TENM3: variants seen among roughly 807,000 people sequenced by gnomAD.
TENM3 encodes teneurin transmembrane protein 3, also known as teneurin-3.
A neutral mutation model predicts 255.1 loss-of-function variants in TENM3; 63 were observed. The observed-to-expected ratio is 0.25, with a 90% CI of 0.20 to 0.30. The LOEUF (loss-of-function observed/expected upper bound fraction) is 0.30. Ranked by LOEUF, TENM3 falls within the 10% of genes least tolerant of loss-of-function variation. The pLI is 1.00. For missense variants in TENM3, 2,929 were observed against 3,461.1 expected (o/e 0.85, Z 3.86); for synonymous variants, 1,306 against 1,322.3 (o/e 0.99, Z 0.27).
intron 12 of TENM3, among the ~76,000 whole-genome samples, chr4:182,702,192 A>G (rs1757925416): frequency 6.6e-6 from 1 of 152,122 alleles, no homozygotes; most frequent in South Asian, 2.1e-4. Flanking sequence ...TTGACCAGGA[A>G]TTGTGCATCT....
intron 1 of TENM3, among the ~76,000 whole-genome samples, chr4:182,276,113 G>A (rs1230075700): frequency 6.6e-6 from 1 of 152,144 alleles, no homozygotes; most frequent in East Asian, 1.9e-4. Context: ...TTAAAGAGGG[G>A]GCTGGCCAGG....
chr4:182,708,661 G>A (rs540129335), intron 12 of TENM3, among the ~76,000 whole-genome samples: 2 of 152,132 alleles, frequency 1.3e-5, no homozygotes, highest in African/African-American at 2.4e-5. Flanking sequence ...AGCCAGGTGT[G>A]GTGGCGGGCG....
At chr4:181,971,026 C>T in the TENM3 span, among the ~76,000 whole-genome samples, 9 of 152,102 alleles carry the variant, frequency 5.9e-5, no homozygotes, top group Non-Finnish European at 1.2e-4. Context: ...CTGCTCACTG[C>T]AGCCTCGAAC....
At chr4:182,784,032 G>A (rs1045694706) in intron 24 of TENM3, among the ~76,000 whole-genome samples, 9 of 152,056 alleles carry the variant, frequency 5.9e-5, no homozygotes, top group Admixed American at 1.3e-4. Context: ...TAATTTGATC[G>A]TCTGACGCCT....
chr4:182,676,787 G>A (rs959591846), intron 7 of TENM3, among the ~76,000 whole-genome samples: 30 of 152,160 alleles, frequency 2.0e-4, no homozygotes, highest in African/African-American at 6.3e-4. Context: ...CTTTAAATGA[G>A]GATTTTTAAA....
intron 3 of TENM3, among the ~76,000 whole-genome samples, chr4:182,470,483 C>T (rs1733012872): frequency 6.6e-6 from 1 of 152,136 alleles, no homozygotes; most frequent in South Asian, 2.1e-4. Flanking sequence ...AACCTGACCA[C>T]TTGCACTAGA....
chr4:181,467,125 A>ATATATATATATTTTTTTTTTTTTTTTT, the TENM3 span, among the ~76,000 whole-genome samples: 1 of 17,616 alleles, frequency 5.7e-5, no homozygotes, highest in Non-Finnish European at 1.1e-4. Context: ...ATATATATAT[A>ATATATATATATTTTTTTTTTTTTTTTT]TTTTTTTTTT....
intron 1 of TENM3, among the ~76,000 whole-genome samples, chr4:182,167,055 G>A (rs1751768446): frequency 6.6e-6 from 1 of 152,106 alleles, no homozygotes; most frequent in Non-Finnish European, 1.5e-5. Flanking sequence ...TGTGCTCTAT[G>A]GTTAACTGTG....
At chr4:182,239,172 G>A (rs1299405404), upstream of TENM3, among the ~76,000 whole-genome samples, 1 of 151,666 alleles carries the variant, frequency 6.6e-6, no homozygotes, top group Admixed American at 6.6e-5. Context: ...CGCCTCCTGA[G>A]TTCAAGTGAT....
At chr4:182,015,749 T>C in the TENM3 span, among the ~76,000 whole-genome samples, 6 of 151,242 alleles carry the variant, frequency 4.0e-5, no homozygotes, top group Non-Finnish European at 1.5e-5. Flanking sequence ...TTAGTAGAGA[T>C]GGGGTTTCAC....
the TENM3 span, among the ~76,000 whole-genome samples, chr4:181,977,017 A>T: frequency 1.3e-5 from 2 of 152,168 alleles, no homozygotes; most frequent in African/African-American, 4.8e-5. Flanking sequence ...AAGAGAATGC[A>T]CCCCTCCTTT....
Position 182,505,399 on chromosome 4 carries a change from T to G in TENM3, c.512-95525T>G, listed in dbSNP as rs145170565. Among the ~76,000 whole-genome samples the G allele has an allele frequency of 3.0e-3, 464 of 152,312 alleles. 1 individual carries two copies. The highest frequency in any genetic ancestry group is 0.017 in the Middle Eastern group (5 of 294). On this transcript the variant is annotated intron_variant, in intron 3 of 27. Coordinates refer to ENST00000511685, the MANE Select transcript of TENM3 (RefSeq NM_001080477.4). Reference sequence around the variant, plus strand: ...AAATAATTAAATGTCTAAATTATTATACATTTTTTTAAAGATTTCTTTATT... The same window carrying G: ...AAATAATTAAATGTCTAAATTATTAGACATTTTTTTAAAGATTTCTTTATT...
chr4:182,544,230 T>C lies in TENM3; in HGVS notation c.512-56694T>C, dbSNP rs1253774512. 3.3e-5 allele frequency among the ~76,000 whole-genome samples: 5 copies of C among 152,134 alleles called. No homozygotes were observed. The East Asian group carries it at 9.6e-4, about 29-fold the overall frequency. On this transcript the variant is annotated intron_variant, in intron 3 of 27. Transcript: ENST00000511685. The stretch of plus-strand genomic sequence containing the variant: ...CTCTGCCCTACCCTATTCTGTGTTT[T>C]CTCGCCTTTCCAATTTCTACTTGCC...
the TENM3 span, among the ~76,000 whole-genome samples, chr4:181,457,209 A>T: frequency 1.8e-3 from 280 of 151,950 alleles, no homozygotes; most frequent in African/African-American, 6.6e-3. Flanking sequence ...ATTTATATTT[A>T]TTAATAATTT....
intron 1 of TENM3, among the ~76,000 whole-genome samples, chr4:182,164,185 A>T (rs1751555838): frequency 6.6e-6 from 1 of 152,160 alleles, no homozygotes; most frequent in African/African-American, 2.4e-5. Context: ...CATTTCACGT[A>T]TGCTCTTGCA....
Position 182,665,706 on chromosome 4 carries a change from T to G in TENM3, c.1112-7299T>G, listed in dbSNP as rs529458428. ...GTCAGGAGATCGAGACCATCCTGGT[T>G]AACAGGGTGAAACCCCGTCTCTACA... On this transcript the variant is annotated intron_variant, in intron 6 of 27. Transcript: ENST00000511685. 3.7e-3 allele frequency among the ~76,000 whole-genome samples: 560 copies of G among 152,034 alleles called. 3 individuals are homozygous for G. Among genetic ancestry groups the G allele is most frequent in the African/African-American group, 0.013 (533 of 41,478 alleles).
chr4:182,360,683 A>G (rs1478022988), intron 3 of TENM3, among the ~76,000 whole-genome samples: 3 of 151,972 alleles, frequency 2.0e-5, no homozygotes, highest in Non-Finnish European at 4.4e-5. Flanking sequence ...CCAATTTGCC[A>G]GTCTGTGTCT....
intron 22 of TENM3, among the ~76,000 whole-genome samples, chr4:182,771,972 T>C (rs1352727395): frequency 6.6e-6 from 1 of 152,060 alleles, no homozygotes; most frequent in Non-Finnish European, 1.5e-5. Context: ...GGTTGTCAGA[T>C]CATGTCAGTC....
At position 182,799,605 on chromosome 4, in the gene TENM3, G is replaced by A. The variant is rs779881943; in HGVS notation, c.7354G>A (p.Gly2452Arg). 1 of 1,540,214 alleles carries A rather than the reference G, an allele frequency of 6.5e-7. No individual in the cohort carries two copies. The highest frequency in any genetic ancestry group is 1.2e-5 in the South Asian group (1 of 83,978). The change falls in exon 28 of 28, where the codon GGA becomes AGA. Residue 2452 changes from glycine (G) to arginine (R), a missense_variant. By Grantham distance (125) the Gly-to-Arg change is moderately radical. Coordinates refer to ENST00000511685, the MANE Select transcript of TENM3 (RefSeq NM_001080477.4). The surrounding 1 kb of genome is among the most constrained non-coding windows in gnomAD (Gnocchi z 4.2). ...TTTGTTTCGCCCGCAGCCCATCTTC[G>A]GAGTCCAGCAGCAAGTGGCGCGGCA... ...QQWDDIPPIF[G>R]VQQQVARQAK...
Sources: gnomAD v4.1 joint callset for allele counts (sites outside exome capture counted in the v4.1 genomes callset) on GRCh38, gnomAD v4.1.1 for gene constraint, Gnocchi (gnomAD v3.1) non-coding constraint, MANE v1.5 for transcripts, NCBI Gene and HGNC (gene_info 2026-07-23, HGNC 2026-07-21) for gene names.